NEGR1: variants seen among roughly 807,000 people sequenced by gnomAD.
The protein encoded by NEGR1 is IgLON family member 4.
A neutral mutation model predicts 40.9 loss-of-function variants in NEGR1; 10 were observed. That is an observed-to-expected ratio of 0.24 (90% CI 0.15 to 0.42). The LOEUF (loss-of-function observed/expected upper bound fraction) is 0.42, where lower values mean the gene tolerates loss of function less well. NEGR1 is among the 10% of genes least tolerant of loss of function. The pLI is 1.00. For missense variants in NEGR1, 352 were observed against 438.9 expected (o/e 0.80, Z 1.77); for synonymous variants, 185 against 166.8 (o/e 1.11, Z -0.84).
intron 4 of NEGR1, among the ~76,000 whole-genome samples, chr1:71,652,572 C>A (rs1205947035): frequency 1.3e-5 from 2 of 152,080 alleles, no homozygotes; most frequent in African/African-American, 2.4e-5. Context: ...TACTATTTTG[C>A]CCATTATAGA....
chr1:72,189,187 T>A, intron 1 of NEGR1, among the ~76,000 whole-genome samples: 1 of 151,504 alleles, frequency 6.6e-6, no homozygotes, highest in East Asian at 1.9e-4. Context: ...CTTTTAAATA[T>A]GTAATTACGT....
rs1553151597 is a variant in NEGR1 at position 72,220,931 on chromosome 1, T to TTTTA, written c.176+61387_176+61388insTAAA. Among the ~76,000 whole-genome samples the TTTTA allele has an allele frequency of 6.7e-5, 10 of 148,816 alleles. No homozygotes were observed. The East Asian group carries it at 9.8e-4, about 15-fold the overall frequency. The stretch of plus-strand genomic sequence containing the variant: ...TACCTAAAGTTTTTTTTTTTTTTTT[T>TTTTA]AATAACAAAGAGCAATGCATTTGTT... On this transcript the variant is annotated intron_variant, in intron 1 of 6. Transcript: ENST00000357731.
chr1:72,060,662 T>C (rs1647158996), intron 1 of NEGR1, among the ~76,000 whole-genome samples: 1 of 151,656 alleles, frequency 6.6e-6, no homozygotes, highest in South Asian at 2.1e-4. Context: ...AATAAAATTC[T>C]GTGACATTCA....
intron 6 of NEGR1, among the ~76,000 whole-genome samples, chr1:71,508,442 A>T (rs1647050633): frequency 1.3e-5 from 2 of 152,184 alleles, no homozygotes; most frequent in Non-Finnish European, 2.9e-5. Flanking sequence ...CTGAAAGTTA[A>T]TATGGCTAGG....
At chr1:72,255,979 T>C (rs538383571) in intron 1 of NEGR1, among the ~76,000 whole-genome samples, 1 of 152,326 alleles carries the variant, frequency 6.6e-6, no homozygotes, top group African/African-American at 2.4e-5. Context: ...ATGTTTTATA[T>C]GGTAATTGTA....
intron 1 of NEGR1, among the ~76,000 whole-genome samples, chr1:71,950,471 T>A (rs956810151): frequency 6.6e-6 from 1 of 152,038 alleles, no homozygotes; most frequent in African/African-American, 2.4e-5. Context: ...TTGAAATATT[T>A]TCATCCTCAA....
intron 1 of NEGR1, among the ~76,000 whole-genome samples, chr1:72,159,196 T>A (rs762339787): frequency 2.0e-5 from 3 of 152,166 alleles, no homozygotes; most frequent in Non-Finnish European, 4.4e-5. Flanking sequence ...GCTGTAAACT[T>A]TTATTTCTGC....
chr1:71,678,720 A>G (rs1308290218), intron 4 of NEGR1, among the ~76,000 whole-genome samples: 1 of 152,164 alleles, frequency 6.6e-6, no homozygotes, highest in Admixed American at 6.6e-5. Context: ...TACTAGGCAC[A>G]GTATTGAGAG....
At chr1:72,264,689 T>C (rs1038099093) in intron 1 of NEGR1, among the ~76,000 whole-genome samples, 1 of 150,766 alleles carries the variant, frequency 6.6e-6, no homozygotes. Context: ...ACTTTTTAAA[T>C]ATTTTATGAT....
intron 4 of NEGR1, among the ~76,000 whole-genome samples, chr1:71,621,498 T>C (rs746680464): frequency 1.1e-4 from 17 of 151,908 alleles, no homozygotes; most frequent in Non-Finnish European, 2.2e-4. Flanking sequence ...AAATTTTACA[T>C]GTTAACTTGA....
At chr1:72,061,499 C>T (rs1647172231) in intron 1 of NEGR1, among the ~76,000 whole-genome samples, 1 of 151,578 alleles carries the variant, frequency 6.6e-6, no homozygotes, top group Non-Finnish European at 1.5e-5. Flanking sequence ...AGTGAGATGC[C>T]CATAGACAAA....
intron 4 of NEGR1, among the ~76,000 whole-genome samples, chr1:71,671,971 T>C (rs974863390): frequency 2.0e-5 from 3 of 150,864 alleles, no homozygotes; most frequent in Non-Finnish European, 4.4e-5. Flanking sequence ...TGTCCTCAAA[T>C]GATCCTCCTG....
rs966660336 is a variant in NEGR1 at position 71,517,635 on chromosome 1, A to G, written c.940+75182T>C. On this transcript the variant is annotated intron_variant, in intron 6 of 6. Transcript: ENST00000357731. ...AGCCAATATCATACTGAATGGGCAAAAACTGGAAGCATTCCCTTTGAAAAC... is the reference window on the plus strand; with the variant it reads ...AGCCAATATCATACTGAATGGGCAAGAACTGGAAGCATTCCCTTTGAAAAC... 8.4e-3 allele frequency among the ~76,000 whole-genome samples: 1,193 copies of G among 142,590 alleles called. 3 individuals carry two copies. Among genetic ancestry groups the G allele is most frequent in the Non-Finnish European group, 0.013 (855 of 66,040 alleles). The allele number at this position is 142,590 out of a possible 152,430, so 93.5% of individuals were successfully genotyped here. A position where few individuals can be genotyped will look rare whatever the true frequency, so the allele number is the denominator to read the frequency against.
chr1:72,118,925 T>G (rs2100285687), intron 1 of NEGR1, among the ~76,000 whole-genome samples: 1 of 151,860 alleles, frequency 6.6e-6, no homozygotes, highest in Non-Finnish European at 1.5e-5. Flanking sequence ...TATCTTAAAT[T>G]TCCATTCCCC....
At chr1:71,507,184 C>A (rs1647040707) in intron 6 of NEGR1, among the ~76,000 whole-genome samples, 1 of 152,170 alleles carries the variant, frequency 6.6e-6, no homozygotes, top group South Asian at 2.1e-4. Flanking sequence ...AAGAAGCTTG[C>A]AAATAAAGCT....
At chr1:72,168,350 A>C (rs1651841954) in intron 1 of NEGR1, among the ~76,000 whole-genome samples, 1 of 152,006 alleles carries the variant, frequency 6.6e-6, no homozygotes, top group African/African-American at 2.4e-5. Context: ...GAGGAGAGCC[A>C]GTCCTTTTTT....
rs528947924 is a variant in NEGR1, at chr1:71,457,802, T to C, written c.941-50232A>G. 4.0e-4 allele frequency among the ~76,000 whole-genome samples: 61 copies of C among 152,136 alleles called. No homozygotes were observed. In the South Asian group the frequency reaches 6.0e-3, roughly 15 times the overall value. On this transcript the variant is annotated intron_variant, in intron 6 of 6. Transcript: ENST00000357731. ...CTGCAAGCTCCGCCTCCTGGGTTCA[T>C]GCCATTCTCCTGCCTCAGCCTCCTG...
chr1:71,878,866 T>C (rs1660505492), intron 2 of NEGR1, among the ~76,000 whole-genome samples: 1 of 152,182 alleles, frequency 6.6e-6, no homozygotes, highest in Non-Finnish European at 1.5e-5. Context: ...ATGAAATAAA[T>C]AACTGTTCCC....
At chr1:71,832,786 G>T (rs1658883536) in intron 2 of NEGR1, among the ~76,000 whole-genome samples, 1 of 152,018 alleles carries the variant, frequency 6.6e-6, no homozygotes, top group Non-Finnish European at 1.5e-5. Flanking sequence ...GGTGTAAAGT[G>T]CATTGCCATG....
Sources: allele counts gnomAD v4.1 joint callset (sites outside exome capture counted in the v4.1 genomes callset), GRCh38; gene constraint gnomAD v4.1.1; transcripts MANE v1.5; gene names NCBI Gene and HGNC (gene_info 2026-07-23, HGNC 2026-07-21).